Variants in ADGRG7 observed in about 807,000 individuals in gnomAD.
ADGRG7 encodes adhesion G protein-coupled receptor G7, also known as G-protein coupled receptor 128.
A neutral mutation model predicts 88.6 loss-of-function variants in ADGRG7; 82 were observed. The ratio of observed to expected loss-of-function variants is 0.93; its 90% CI spans 0.77 to 1.11. The LOEUF is 1.11. Among genes scored for constraint, ADGRG7 ranks in the 50% most tolerant of loss-of-function variants. The probability of loss-of-function intolerance (pLI) is 0.00; values close to 1 mark genes in which losing one functional copy is unlikely to be tolerated. For missense variants in ADGRG7, 945 were observed against 953.4 expected (o/e 0.99, Z 0.12); for synonymous variants, 381 against 345.2 (o/e 1.10, Z -1.15).
At chr3:100,618,992 G>A (rs1707267593) in intron 1 of ADGRG7, among the ~76,000 whole-genome samples, 1 of 152,150 alleles carries the variant, frequency 6.6e-6, no homozygotes, top group South Asian at 2.1e-4. Context: ...GTGAATGGGA[G>A]TTCACTCATG....
At position 100,629,685 on chromosome 3, in the gene ADGRG7, A is replaced by G; in HGVS notation, c.203A>G (p.Glu68Gly). 6.2e-7 allele frequency: 1 copy of G among 1,612,412 alleles called. No individual in the cohort carries two copies. The highest frequency in any genetic ancestry group is 8.5e-7 in the Non-Finnish European group (1 of 1,178,586). Residue 68 changes from glutamate to glycine, a missense_variant, in exon 2 of 16, where the codon GAG becomes GGG. Glu to Gly is a moderately conservative substitution (Grantham distance 98). Coordinates refer to ENST00000273352, the MANE Select transcript of ADGRG7 (RefSeq NM_032787.3). ...WENGRCICTE[E>G]WKGLRCTIAN... ...AATGGCAGATGTATTTGTACAGAAGAGTGGAAAGGACTGAGATGTACAATT... is the reference window on the plus strand; with the variant it reads ...AATGGCAGATGTATTTGTACAGAAGGGTGGAAAGGACTGAGATGTACAATT...
chr3:100,641,999 A>G (rs1707648664), intron 6 of ADGRG7, among the ~76,000 whole-genome samples: 1 of 152,210 alleles, frequency 6.6e-6, no homozygotes, highest in Non-Finnish European at 1.5e-5. Context: ...GCCCATCTGT[A>G]ATCTTATCAG....
chr3:100,637,672 C>G, intron 6 of ADGRG7: 1 of 361,702 alleles, frequency 2.8e-6, no homozygotes, highest in South Asian at 3.4e-5. Context: ...TTTTCCTCAC[C>G]TTAGTTTGGC....
At chr3:100,615,935 AT>A (rs2149011135) in intron 1 of ADGRG7, among the ~76,000 whole-genome samples, 1 of 152,184 alleles carries the variant, frequency 6.6e-6, no homozygotes, top group South Asian at 2.1e-4. Flanking sequence ...AGAAAAGAAG[AT>A]TAGAAAAATT....
intron 1 of ADGRG7, among the ~76,000 whole-genome samples, chr3:100,624,352 T>C (rs2149014635): frequency 6.6e-6 from 1 of 152,378 alleles, no homozygotes; most frequent in East Asian, 1.9e-4. Flanking sequence ...TTGAGAAGTG[T>C]CTGTTCATAT....
intron 13 of ADGRG7, among the ~76,000 whole-genome samples, chr3:100,659,110 A>C (rs1405918522): frequency 3.3e-5 from 5 of 152,284 alleles, no homozygotes. Flanking sequence ...TAACTTTTTC[A>C]AACTCTTTTT....
chr3:100,677,409 A>G (rs2094966921), intron 15 of ADGRG7, among the ~76,000 whole-genome samples: 1 of 152,092 alleles, frequency 6.6e-6, no homozygotes, highest in Non-Finnish European at 1.5e-5. Flanking sequence ...TACTGTCTTG[A>G]AAAGTTGTTA....
intron 8 of ADGRG7, among the ~76,000 whole-genome samples, chr3:100,645,650 A>G (rs1707731443): frequency 6.6e-6 from 1 of 152,262 alleles, no homozygotes; most frequent in South Asian, 2.1e-4. Context: ...TACTTTATAT[A>G]TGAGATCTTT....
At chr3:100,690,958 A>T (rs905324727) in intron 15 of ADGRG7, among the ~76,000 whole-genome samples, 2 of 152,228 alleles carry the variant, frequency 1.3e-5, no homozygotes, top group Non-Finnish European at 2.9e-5. Context: ...CCCTGTCCCC[A>T]GAGGTGGAGC....
intron 1 of ADGRG7, among the ~76,000 whole-genome samples, chr3:100,617,517 G>T (rs529861377): frequency 6.6e-6 from 1 of 151,972 alleles, no homozygotes; most frequent in Non-Finnish European, 1.5e-5. Context: ...ATGGTTTCCA[G>T]CTTCATCCAT....
rs1261950084 is a variant in ADGRG7, at chr3:100,629,285, C to CTATA, written c.116-310_116-309insATAT. On this transcript the variant is annotated intron_variant, in intron 1 of 15. Coordinates refer to ENST00000273352, the MANE Select transcript of ADGRG7 (RefSeq NM_032787.3). ...ATGTTGACTCTATCTATCTATCTATCTATCTATCTATCTATCTATCTATCT... is the reference window on the plus strand; with the variant it reads ...ATGTTGACTCTATCTATCTATCTATCTATATATCTATCTATCTATCTATCTATCT... Among the ~76,000 whole-genome samples the CTATA allele has an allele frequency of 1.6e-3, 239 of 151,936 alleles. No individual in the cohort carries two copies. In the Middle Eastern group the frequency reaches 0.027, roughly 17 times the overall value.
intron 15 of ADGRG7, among the ~76,000 whole-genome samples, chr3:100,679,232 T>C (rs2094969645): frequency 6.6e-6 from 1 of 152,122 alleles, no homozygotes; most frequent in South Asian, 2.1e-4. Flanking sequence ...GGAGTCTCTT[T>C]CCATGGCTAC....
At chr3:100,660,282 C>G (rs1023209805) in intron 14 of ADGRG7, among the ~76,000 whole-genome samples, 1 of 152,072 alleles carries the variant, frequency 6.6e-6, no homozygotes, top group African/African-American at 2.4e-5. Context: ...TACACAATAG[C>G]ACTAAAATTT....
At chr3:100,624,403 G>C (rs1277341261) in intron 1 of ADGRG7, among the ~76,000 whole-genome samples, 2 of 151,914 alleles carry the variant, frequency 1.3e-5, no homozygotes, top group African/African-American at 4.8e-5. Context: ...TTTTTTTCTT[G>C]TAAATTTAAG....
chr3:100,637,888 GC>G, intron 6 of ADGRG7, among the ~76,000 whole-genome samples: 1 of 152,316 alleles, frequency 6.6e-6, no homozygotes, highest in East Asian at 1.9e-4. Context: ...TGATAGGGGT[GC>G]CCCGTTTACT....
chr3:100,619,782 C>T (rs1001532176), intron 1 of ADGRG7, among the ~76,000 whole-genome samples: 1 of 152,202 alleles, frequency 6.6e-6, no homozygotes, highest in African/African-American at 2.4e-5. Context: ...ATAAACACCT[C>T]TACGCAAATA....
chr3:100,682,052 C>T (rs974773152), intron 15 of ADGRG7, among the ~76,000 whole-genome samples: 1 of 152,194 alleles, frequency 6.6e-6, no homozygotes, highest in African/African-American at 2.4e-5. Flanking sequence ...TCTGAAGTGG[C>T]CGCTGCCATG....
intron 15 of ADGRG7, among the ~76,000 whole-genome samples, chr3:100,691,718 T>TTTTTTTTTTGAGAC: frequency 6.7e-6 from 1 of 150,068 alleles, no homozygotes; most frequent in East Asian, 1.9e-4. Context: ...TATTCTTTTG[T>TTTTTTTTTTGAGAC]GGTGATGACT....
chr3:100,636,629 T>C (rs1707546736), intron 5 of ADGRG7, among the ~76,000 whole-genome samples: 1 of 140,266 alleles, frequency 7.1e-6, no homozygotes, highest in Non-Finnish European at 1.6e-5. Flanking sequence ...CCATTCCCTT[T>C]AAATGTTTTG....
Sources: gnomAD v4.1 joint callset for allele counts (sites outside exome capture counted in the v4.1 genomes callset) on GRCh38, gnomAD v4.1.1 for gene constraint, MANE v1.5 for transcripts, NCBI Gene and HGNC (gene_info 2026-07-23, HGNC 2026-07-21) for gene names.